CHRNB4: variants seen among roughly 807,000 people sequenced by gnomAD.
CHRNB4 encodes the protein neuronal acetylcholine receptor subunit beta-4.
Under a neutral mutation model 40.4 loss-of-function variants are expected in CHRNB4, and 23 were observed. The observed-to-expected ratio is 0.57, with a 90% confidence interval of 0.41 to 0.81. The LOEUF (loss-of-function observed/expected upper bound fraction) is 0.81. Ranked by LOEUF, CHRNB4 falls within the 30% of genes least tolerant of loss-of-function variation. The pLI, the probability that CHRNB4 is intolerant of heterozygous loss-of-function variation, is 0.00. For synonymous variants in CHRNB4, 285 were observed against 274.4 expected, an observed-to-expected ratio of 1.04 and a Z score of -0.38; for missense variants, 568 against 670.6, an observed-to-expected ratio of 0.85 and a Z score of 1.69.
chr15:78,658,491 G>C (rs1379307625), intron 1 of CHRNB4: 1 of 152,106 alleles, frequency 6.6e-6, no homozygotes, highest in Non-Finnish European at 1.5e-5. Flanking sequence ...CCCTCCCTAG[G>C]AAGCAGCAAC....
At chr15:78,627,145 G>A (rs2053676657) in intron 5 of CHRNB4, 1 of 152,226 alleles carries the variant, frequency 6.6e-6, no homozygotes, top group Non-Finnish European at 1.5e-5. Context: ...ATTAATGATT[G>A]GGAACCAATG....
At chr15:78,640,995 C>A in intron 1 of CHRNB4, 84 bp downstream of exon 1, 1 of 1,440,502 alleles carries the variant, frequency 6.9e-7, no homozygotes, top group South Asian at 1.2e-5. Context: ...GCAGGGCACC[C>A]TCCCTTCCCT....
chr15:78,647,861 CAAAAA>C (rs146991423), intron 7 of CHRNB4, among the ~76,000 whole-genome samples: 3 of 39,124 alleles, frequency 7.7e-5, no homozygotes, highest in Non-Finnish European at 1.5e-4. Flanking sequence ...GACTCCATCT[CAAAAA>C]AAAAAAAAAA....
upstream of CHRNB4, among the ~76,000 whole-genome samples, chr15:78,643,475 C>T (rs556893039): frequency 1.3e-5 from 2 of 152,278 alleles, no homozygotes; most frequent in African/African-American, 4.8e-5. Context: ...AAGCAATTTC[C>T]ATCAAAGTTA....
At chr15:78,641,243 C>T (rs1031599028), upstream of CHRNB4, 4 of 1,020,738 alleles carry the variant, frequency 3.9e-6, no homozygotes, top group African/African-American at 3.5e-5. Flanking sequence ...GGTTTGCTGG[C>T]GGGGCGGCGC....
intron 7 of CHRNB4, among the ~76,000 whole-genome samples, chr15:78,647,690 CA>C (rs57493774): frequency 0.018 from 1,148 of 62,264 alleles, 48 homozygotes; most frequent in Non-Finnish European, 0.024. Flanking sequence ...ACTAAAAATC[CA>C]AAAAAAAAAA....
chr15:78,647,582 C>T (rs545278572), intron 7 of CHRNB4, among the ~76,000 whole-genome samples: 3 of 151,322 alleles, frequency 2.0e-5, no homozygotes, highest in South Asian at 2.1e-4. Flanking sequence ...TGCAGTGGCT[C>T]ACGCCTGTAA....
In CHRNB4 at chr15:78,631,093, G is replaced by A. The variant is rs777970629; in HGVS notation, c.342C>T (p.Asp114=). ...RIPAKRIWLP[D]IVLYNNADGT... is the part of the protein sequence containing the mutation. ...CCACTCACTTGTTGTAAAGCACGAT[G>A]TCAGGCAACCAGATGCGCTTTGCAG... Residue 114 remains aspartate (D), a synonymous_variant, in exon 4 of 6, where the codon GAC becomes GAT. Transcript: ENST00000261751. The A allele has an allele frequency of 3.1e-6, 5 of 1,614,124 alleles. No individual in the cohort carries two copies. Among genetic ancestry groups the A allele is most frequent in the Admixed American group, 1.7e-5 (1 of 60,034 alleles).
At chr15:78,649,771 C>T (rs2054156351) in intron 6 of CHRNB4, among the ~76,000 whole-genome samples, 1 of 151,070 alleles carries the variant, frequency 6.6e-6, no homozygotes, top group Non-Finnish European at 1.5e-5. Context: ...GTGATAAACT[C>T]TAAATTCAGA....
intron 1 of CHRNB4, among the ~76,000 whole-genome samples, chr15:78,636,424 T>C (rs1471814863): frequency 6.6e-6 from 1 of 152,124 alleles, no homozygotes; most frequent in East Asian, 1.9e-4. Context: ...GTAGGTGGAC[T>C]TAAAAATCAA....
At chr15:78,650,586 A>G (rs1232882252) in intron 6 of CHRNB4, among the ~76,000 whole-genome samples, 1 of 152,182 alleles carries the variant, frequency 6.6e-6, no homozygotes, top group Non-Finnish European at 1.5e-5. Flanking sequence ...GAAGCCTTAC[A>G]GAGGAAGAGT....
chr15:78,653,408 T>C (rs766084340), intron 5 of CHRNB4, among the ~76,000 whole-genome samples: 26 of 152,174 alleles, frequency 1.7e-4, no homozygotes, highest in Non-Finnish European at 1.8e-4. Context: ...CTCTCAATCT[T>C]TATGGACCTC....
chr15:78,633,148 AT>A (rs1567121541), intron 2 of CHRNB4, among the ~76,000 whole-genome samples: 1 of 152,098 alleles, frequency 6.6e-6, no homozygotes, highest in East Asian at 1.9e-4. Context: ...AGTCTGTACA[AT>A]TTTGGTGCCT....
intron 2 of CHRNB4, among the ~76,000 whole-genome samples, chr15:78,657,991 A>G (rs897490565): frequency 7.0e-6 from 1 of 143,864 alleles, no homozygotes; most frequent in Non-Finnish European, 1.5e-5. Flanking sequence ...GGGGACACAT[A>G]TATCATTATT....
intron 1 of CHRNB4, among the ~76,000 whole-genome samples, chr15:78,637,712 C>T (rs539509591): frequency 4.6e-5 from 7 of 152,262 alleles, no homozygotes; most frequent in African/African-American, 1.2e-4. Flanking sequence ...GGGGAGCAGC[C>T]GCCACCCTGC....
At chr15:78,648,777 A>G (rs12914822) in intron 7 of CHRNB4, among the ~76,000 whole-genome samples, 109,341 of 146,092 alleles carry the variant, frequency 0.75, 41,608 homozygotes, top group African/African-American at 0.82. Context: ...AAAAAAAAGT[A>G]GATATCTTAT....
intron 1 of CHRNB4, among the ~76,000 whole-genome samples, chr15:78,659,720 AG>A (rs1444537512): frequency 2.0e-5 from 3 of 152,368 alleles, no homozygotes; most frequent in African/African-American, 7.2e-5. Context: ...GGTTAGACAG[AG>A]ATAGTGAGGC....
intron 2 of CHRNB4, among the ~76,000 whole-genome samples, chr15:78,632,994 C>G (rs555469189): frequency 1.3e-5 from 2 of 152,348 alleles, no homozygotes; most frequent in Non-Finnish European, 2.9e-5. Context: ...GCTTCCTTCA[C>G]CTACAGAATA....
At chr15:78,651,487 A>C (rs2054171347) in intron 6 of CHRNB4, among the ~76,000 whole-genome samples, 1 of 152,244 alleles carries the variant, frequency 6.6e-6, no homozygotes, top group Non-Finnish European at 1.5e-5. Context: ...TGCAAGGCAC[A>C]GCTGCCCAGA....
Sources: gnomAD v4.1 joint callset for allele counts (sites outside exome capture counted in the v4.1 genomes callset) on GRCh38, gnomAD v4.1.1 for gene constraint, MANE v1.5 for transcripts, NCBI Gene and HGNC (gene_info 2026-07-23, HGNC 2026-07-21) for gene names.